Variants in SORCS2 observed in about 807,000 individuals in gnomAD.
The protein encoded by SORCS2 is sortilin related VPS10 domain containing receptor 2.
SORCS2 carries 100 observed loss-of-function variants against 141.6 expected under a neutral mutation model. The observed-to-expected ratio is 0.71, with a 90% CI of 0.60 to 0.83. The LOEUF (loss-of-function observed/expected upper bound fraction) is 0.83. Ranked by LOEUF, SORCS2 falls within the 40% of genes least tolerant of loss-of-function variation. The pLI is 0.00. For missense variants in SORCS2, 1,646 were observed against 1,560.2 expected, an observed-to-expected ratio of 1.05 and a Z score of -0.93; for synonymous variants, 789 against 676.9, an observed-to-expected ratio of 1.17 and a Z score of -2.57.
intron 3 of SORCS2, among the ~76,000 whole-genome samples, chr4:7,618,127 G>T (rs1349983958): frequency 6.6e-6 from 1 of 152,010 alleles, no homozygotes; most frequent in Non-Finnish European, 1.5e-5. Flanking sequence ...TCATCGCGTT[G>T]CCATCGGAAC....
At chr4:7,698,790 CAGGACAGGCGCCCA>C (rs1249083874) in intron 12 of SORCS2, among the ~76,000 whole-genome samples, 1 of 151,982 alleles carries the variant, frequency 6.6e-6, no homozygotes, top group African/African-American at 2.4e-5. Context: ...GCTGGCGGTA[CAGGACAGGCGCCCA>C]AGGGGCAGGC....
At chr4:7,387,548 C>T (rs1332655571) in intron 1 of SORCS2, among the ~76,000 whole-genome samples, 13 of 148,514 alleles carry the variant, frequency 8.8e-5, no homozygotes, top group Non-Finnish European at 1.2e-4. Context: ...CACACATGCA[C>T]ATACACATAT....
intron 1 of SORCS2, among the ~76,000 whole-genome samples, chr4:7,229,912 T>C (rs987896284): frequency 2.0e-5 from 3 of 149,238 alleles, no homozygotes; most frequent in Non-Finnish European, 4.4e-5. Flanking sequence ...GAGATGAAGA[T>C]GGTCAAGTCT....
intron 3 of SORCS2, among the ~76,000 whole-genome samples, chr4:7,602,554 G>A (rs1162166289): frequency 6.6e-6 from 1 of 151,138 alleles, no homozygotes; most frequent in East Asian, 2.0e-4. Context: ...TTCCTAGATG[G>A]GATGGCGGCG....
intron 2 of SORCS2, among the ~76,000 whole-genome samples, chr4:7,428,579 T>C (rs1726610768): frequency 6.6e-6 from 1 of 152,072 alleles, no homozygotes; most frequent in Non-Finnish European, 1.5e-5. Flanking sequence ...CCGGAGGTGA[T>C]GCTGGGCAGG....
At chr4:7,676,502 C>A (rs1460612985) in intron 9 of SORCS2, among the ~76,000 whole-genome samples, 1 of 152,152 alleles carries the variant, frequency 6.6e-6, no homozygotes, top group Non-Finnish European at 1.5e-5. Context: ...GAATGGAATT[C>A]TTTGAGGGAA....
At chr4:7,717,487 G>T (rs958418737) in intron 17 of SORCS2, among the ~76,000 whole-genome samples, 7 of 152,214 alleles carry the variant, frequency 4.6e-5, no homozygotes, top group Admixed American at 2.6e-4. Context: ...GGTTTCTCAT[G>T]AACGCAGTGA....
intron 1 of SORCS2, among the ~76,000 whole-genome samples, chr4:7,392,069 C>G (rs2109101860): frequency 6.6e-6 from 1 of 152,362 alleles, no homozygotes; most frequent in Non-Finnish European, 1.5e-5. Flanking sequence ...AAGACAGCAA[C>G]AGCAGAGCAT....
At chr4:7,197,066 T>C (rs1475634165) in intron 1 of SORCS2, among the ~76,000 whole-genome samples, 2 of 152,208 alleles carry the variant, frequency 1.3e-5, no homozygotes, top group Non-Finnish European at 2.9e-5. Context: ...TCCTGGAAGC[T>C]GGAAGTCAGA....
In SORCS2 at chr4:7,728,249, G is replaced by A. The variant is rs572606302; in HGVS notation, c.2870-101G>A. ...CTGGGATCTGAATCAAAGGCCTCCCGGGACCATCCAGGGCATGTGGCTGCC... is the reference window on the plus strand; with the variant it reads ...CTGGGATCTGAATCAAAGGCCTCCCAGGACCATCCAGGGCATGTGGCTGCC... On this transcript the variant is annotated intron_variant, in intron 21 of 26. Coordinates refer to ENST00000507866, the MANE Select transcript of SORCS2 (RefSeq NM_020777.3). 2.7e-5 allele frequency: 21 copies of A among 767,972 alleles called. No individual in the cohort carries two copies. In the East Asian group the frequency reaches 3.3e-4, roughly 12 times the overall value. The allele number at this position is 767,972 out of a possible 1,614,324, so 47.6% of individuals were successfully genotyped here.
intron 1 of SORCS2, among the ~76,000 whole-genome samples, chr4:7,375,573 T>C (rs113725956): frequency 0.017 from 2,584 of 152,298 alleles, 28 homozygotes; most frequent in Non-Finnish European, 0.025. Context: ...AGATGCCAGA[T>C]TGCACTTCCT....
intron 2 of SORCS2, among the ~76,000 whole-genome samples, chr4:7,457,329 C>T (rs1290879435): frequency 6.6e-6 from 1 of 152,222 alleles, no homozygotes; most frequent in African/African-American, 2.4e-5. Flanking sequence ...AGGCAGAGGC[C>T]AGGACTGCAG....
At chr4:7,380,255 G>A (rs1465590824) in intron 1 of SORCS2, among the ~76,000 whole-genome samples, 2 of 152,206 alleles carry the variant, frequency 1.3e-5, no homozygotes, top group East Asian at 3.8e-4. Flanking sequence ...GAGCTTGTCT[G>A]GGGGCCCCAA....
At chr4:7,727,547 T>C (rs1727311326) in intron 21 of SORCS2, among the ~76,000 whole-genome samples, 1 of 152,216 alleles carries the variant, frequency 6.6e-6, no homozygotes, top group Non-Finnish European at 1.5e-5. Context: ...AAATATTTAG[T>C]TGGACAAGTG....
At chr4:7,229,375 C>T (rs140812595) in intron 1 of SORCS2, among the ~76,000 whole-genome samples, 13 of 151,878 alleles carry the variant, frequency 8.6e-5, no homozygotes, top group East Asian at 3.9e-4. Flanking sequence ...TCTTAGCACC[C>T]GGGACTGAGA....
intron 2 of SORCS2, among the ~76,000 whole-genome samples, chr4:7,515,154 A>G (rs1405960638): frequency 6.6e-6 from 1 of 152,216 alleles, no homozygotes; most frequent in African/African-American, 2.4e-5. Flanking sequence ...CCCTGGAGAT[A>G]ACTCTGAGTG....
intron 3 of SORCS2, among the ~76,000 whole-genome samples, chr4:7,618,177 T>A (rs1021093477): frequency 6.6e-6 from 1 of 152,090 alleles, no homozygotes; most frequent in Non-Finnish European, 1.5e-5. Context: ...CGCAGGCTCC[T>A]CTCAGGAAGT....
rs142144412 is a variant in SORCS2 at position 7,477,149 on chromosome 4, G to T, written c.549-54381G>T. Among the ~76,000 whole-genome samples, 624 of 152,368 alleles carry T rather than the reference G, an allele frequency of 4.1e-3. 6 individuals carry two copies. Among genetic ancestry groups the T allele is most frequent in the African/African-American group, 0.014 (583 of 41,596 alleles). The stretch of plus-strand genomic sequence containing the variant: ...GAGGGGGCTCTGTGGGGCTGAGTCC[G>T]TGGCAGGGCAGTGCTGTGGACAGGT... On this transcript the variant is annotated intron_variant, in intron 2 of 26. Transcript: ENST00000507866.
chr4:7,516,446 T>G (rs1732985885), intron 2 of SORCS2, among the ~76,000 whole-genome samples: 1 of 152,108 alleles, frequency 6.6e-6, no homozygotes, highest in Non-Finnish European at 1.5e-5. Context: ...AGAGGCTGAT[T>G]TGCACCACGT....
Sources: allele counts gnomAD v4.1 joint callset (sites outside exome capture counted in the v4.1 genomes callset), GRCh38; gene constraint gnomAD v4.1.1; transcripts MANE v1.5; gene names NCBI Gene and HGNC (gene_info 2026-07-23, HGNC 2026-07-21).